The following KANK2 variants were observed in gnomAD, a reference collection of about 807,000 sequenced individuals.
KANK2 encodes KN motif and ankyrin repeat domain-containing protein 2.
Under a neutral mutation model 74.6 loss-of-function variants are expected in KANK2, and 41 were observed. The ratio of observed to expected loss-of-function variants is 0.55; its 90% CI spans 0.43 to 0.71. KANK2 has a LOEUF of 0.71. Among genes scored for constraint, KANK2 ranks in the 30% least tolerant of loss-of-function variants. The pLI is 0.00. For missense variants in KANK2, 1,148 were observed against 1,196.4 expected (o/e 0.96, Z 0.60); for synonymous variants, 537 against 519.0 (o/e 1.03, Z -0.47).
intron 10 of KANK2, among the ~76,000 whole-genome samples, chr19:11,171,829 C>T (rs2078182020): frequency 6.6e-6 from 1 of 151,482 alleles, no homozygotes. Flanking sequence ...TGCCACCATG[C>T]CCAGCTAATT....
intron 4 of KANK2, among the ~76,000 whole-genome samples, chr19:11,186,410 G>GA (rs996135537): frequency 6.8e-6 from 1 of 146,998 alleles, no homozygotes; most frequent in Non-Finnish European, 1.5e-5. Context: ...AAGAAAGAAA[G>GA]AAGAGGCCAG....
Position 11,192,955 on chromosome 19 carries a change from G to C in KANK2, c.1125C>G (p.Ser375Arg), listed in dbSNP as rs771051945. The change falls in exon 4 of 13, where the codon AGC becomes AGG. Residue 375 changes from serine (S) to arginine (R), a missense_variant. By Grantham distance (110) the Ser-to-Arg change is moderately radical (BLOSUM62 -1). Transcript: ENST00000586659. ...RALAMPGRPE[S>R]PPVFRSQEVV... ...CCTCCTGGCTGCGGAACACAGGTGG[G>C]CTCTCAGGCCTACCAGGCATTGCCA... 2.5e-5 allele frequency: 40 copies of C among 1,614,036 alleles called. No homozygotes were observed. Among genetic ancestry groups the C allele is most frequent in the Non-Finnish European group, 6.8e-6 (8 of 1,180,022 alleles).
At chr19:11,195,939 G>C (rs2079005806) in intron 1 of KANK2, 119 bp from the exon 2 acceptor site, 1 of 150,946 alleles carries the variant, frequency 6.6e-6, no homozygotes, top group Non-Finnish European at 1.5e-5. Context: ...AGATGGAGAA[G>C]CAGGGAGCAA....
chr19:11,194,442 C>A, intron 3 of KANK2, 33 bp downstream of exon 3: 3 of 1,592,780 alleles, frequency 1.9e-6, no homozygotes, highest in South Asian at 1.1e-5. Context: ...TGAAGCTCCC[C>A]GGGGCAGGGC....
rs561967934 is a variant in KANK2 at position 11,190,802 on chromosome 19, C to T, written c.1249+2029G>A. On this transcript the variant is annotated intron_variant, in intron 4 of 12. Coordinates refer to ENST00000586659, the MANE Select transcript of KANK2 (RefSeq NM_001136191.3). The stretch of plus-strand genomic sequence containing the variant: ...CTGGAGTGCAGTGGCACAATCTCAG[C>T]TCACTGCAACCTCCGGCTCCCAAGT... 3.3e-5 allele frequency among the ~76,000 whole-genome samples: 5 copies of T among 152,242 alleles called. No homozygotes were observed. The South Asian group carries it at 1.0e-3, about 32-fold the overall frequency.
At chr19:11,186,137 C>A (rs2078667846) in intron 4 of KANK2, among the ~76,000 whole-genome samples, 1 of 152,168 alleles carries the variant, frequency 6.6e-6, no homozygotes, top group Admixed American at 6.6e-5. Flanking sequence ...CCTGCAATCC[C>A]AGCACTTTGG....
At chr19:11,183,853 A>G (rs953063910) in intron 4 of KANK2, among the ~76,000 whole-genome samples, 1 of 151,858 alleles carries the variant, frequency 6.6e-6, no homozygotes, top group Non-Finnish European at 1.5e-5. Context: ...GGGTTTCACT[A>G]TGTTGGCAAG....
chr19:11,169,128 A>G (rs2078102139), intron 12 of KANK2, among the ~76,000 whole-genome samples: 1 of 152,088 alleles, frequency 6.6e-6, no homozygotes, highest in Admixed American at 6.5e-5. Context: ...ACTTGAGCTC[A>G]GGAGTTCAAG....
chr19:11,193,877 G>C lies in KANK2; in HGVS notation c.203C>G (p.Pro68Arg), dbSNP rs754027311. ...TLRRVAVQRRPRLSSLPRGPG... is the reference protein window; with the variant it reads ...TLRRVAVQRRRRLSSLPRGPG... ...GCCACGGGGCAGCGAGCTCAGGCGG[G>C]GGCGGCGCTGCACTGCCACGCGTCG... The change falls in exon 4 of 13, where the codon CCC becomes CGC. Residue 68 changes from proline (P) to arginine (R), a missense_variant. Pro to Arg is a moderately radical substitution (Grantham distance 103). Transcript: ENST00000586659. This position sits in a 1 kb window ranked among gnomAD's most constrained non-coding sequence, Gnocchi z 9.6. 2 of 1,613,456 alleles carry C rather than the reference G, an allele frequency of 1.2e-6. No homozygotes were observed.
In KANK2 at chr19:11,178,288, GATGA is replaced by G. The variant is rs1555817341; in HGVS notation, c.1520+53_1520+56del. The G allele has an allele frequency of 1.4e-5, 16 of 1,167,524 alleles. No individual in the cohort carries two copies. The East Asian group carries it at 2.2e-4, about 16-fold the overall frequency. The allele number at this position is 1,167,524 out of a possible 1,614,324, so 72.3% of individuals were successfully genotyped here. A position where few individuals can be genotyped will look rare whatever the true frequency, so the allele number is the denominator to read the frequency against. ...GGTAATTAGGAGGCTCTCGTGCGTG[GATGA>G]ATGGAGGAGGGGCGGGAAGTATGGG... is the stretch of plus-strand genomic sequence containing the variant. On this transcript the variant is annotated intron_variant, in intron 6 of 12. Transcript: ENST00000586659.
intron 4 of KANK2, among the ~76,000 whole-genome samples, chr19:11,180,846 G>T (rs973225932): frequency 2.0e-5 from 3 of 152,038 alleles, no homozygotes; most frequent in Non-Finnish European, 4.4e-5. Flanking sequence ...AGCACCTTGG[G>T]AGGCTGAGGT....
At chr19:11,196,664 G>A (rs1416655893) in intron 1 of KANK2, 2 of 152,294 alleles carry the variant, frequency 1.3e-5, no homozygotes, top group East Asian at 3.8e-4. Flanking sequence ...CCCGAGTAAG[G>A]GGAAGAGAAA....
chr19:11,164,324 C>A lies in KANK2; in HGVS notation c.*2234G>T, dbSNP rs1433533206. On this transcript the variant is annotated 3_prime_UTR_variant, in exon 13 of 13. Transcript: ENST00000586659. The stretch of plus-strand genomic sequence containing the variant: ...GTTTACCTTCTAAAAAAAACGATTA[C>A]AAAAAAGAATACTTCATTTAAGTGT... 6.6e-6 allele frequency: 1 copy of A among 151,930 alleles called. No homozygotes were observed. Among genetic ancestry groups the A allele is most frequent in the South Asian group, 2.1e-4 (1 of 4,814 alleles). The allele number at this position is 151,930 out of a possible 1,614,324, so 9.4% of individuals were successfully genotyped here. A position where few individuals can be genotyped will look rare whatever the true frequency, so the allele number is the denominator to read the frequency against.
chr19:11,194,180 A>C (rs1763404373), intron 3 of KANK2, 138 bp from the exon 4 acceptor site: 2 of 913,464 alleles, frequency 2.2e-6, no homozygotes, highest in Non-Finnish European at 3.2e-6. Context: ...GTCTGCTCTC[A>C]GACCCTCCAG....
Position 11,191,870 on chromosome 19 carries a change from C to A in KANK2, c.1249+961G>T, listed in dbSNP as rs572071336. On this transcript the variant is annotated intron_variant, in intron 4 of 12. Coordinates refer to ENST00000586659, the MANE Select transcript of KANK2 (RefSeq NM_001136191.3). The stretch of plus-strand genomic sequence containing the variant: ...CCCAGAAGTTTGAGACCAGCCTGGG[C>A]AACATAACAAGACTTTGTCTCTACA... Among the ~76,000 whole-genome samples, 6 of 152,218 alleles carry A rather than the reference C, an allele frequency of 3.9e-5. No homozygotes were observed. The South Asian group carries it at 1.0e-3, about 26-fold the overall frequency.
rs59030353 is a variant in KANK2 at position 11,180,579 on chromosome 19, C to T, written c.1250-1859G>A. Among the ~76,000 whole-genome samples, 511 of 152,272 alleles carry T rather than the reference C, an allele frequency of 3.4e-3. 7 individuals are homozygous for T. The highest frequency in any genetic ancestry group is 0.012 in the African/African-American group (493 of 41,542). ...TCCCCAGACCAGGGTGTGGCCAGCT[C>T]ATACCACAGAAAACATAAAAACCAT... On this transcript the variant is annotated intron_variant, in intron 4 of 12. Coordinates refer to ENST00000586659, the MANE Select transcript of KANK2 (RefSeq NM_001136191.3).
chr19:11,169,911 G>A lies in KANK2; in HGVS notation c.2468C>T (p.Ser823Phe). The A allele has an allele frequency of 6.2e-7, 1 of 1,614,188 alleles. No individual in the cohort carries two copies. The highest frequency in any genetic ancestry group is 8.5e-7 in the Non-Finnish European group (1 of 1,180,034). Residue 823 changes from serine to phenylalanine, a missense_variant, in exon 12 of 13, where the codon TCC becomes TTC. By Grantham distance (155) the Ser-to-Phe change is radical (BLOSUM62 -2). Transcript: ENST00000586659. ...ALDAGQSEIA[S>F]MLYSRMNIKC... ...GATGTTCATGCGGGAATACAGCATG[G>A]ACGCAATCTCACTCTGCCCTGCGTC...
intron 4 of KANK2, among the ~76,000 whole-genome samples, chr19:11,184,030 C>T (rs535230315): frequency 6.6e-6 from 1 of 152,106 alleles, no homozygotes; most frequent in Non-Finnish European, 1.5e-5. Context: ...TTTAAAAATT[C>T]TTCCAAGCAC....
rs10422194 is a variant in KANK2 at position 11,193,771 on chromosome 19, G to A, written c.309C>T (p.Cys103=). 4.5e-5 allele frequency: 73 copies of A among 1,612,664 alleles called. No homozygotes were observed. The highest frequency in any genetic ancestry group is 5.3e-5 in the African/African-American group (4 of 74,928). ...GDSRHSAYSY[C]GRGFYPQYGA... is the part of the protein sequence containing the mutation. ...CATACTGAGGGTAGAAGCCACGGCCGCAGTAGGAATAGGCTGAGTGGCGGC... is the reference window on the plus strand; with the variant it reads ...CATACTGAGGGTAGAAGCCACGGCCACAGTAGGAATAGGCTGAGTGGCGGC... The change falls in exon 4 of 13, where the codon TGC becomes TGT. Residue 103 remains cysteine (C), a synonymous_variant. Coordinates refer to ENST00000586659, the MANE Select transcript of KANK2 (RefSeq NM_001136191.3). The surrounding 1 kb of genome is among the most constrained non-coding windows in gnomAD (Gnocchi z 9.6).
Sources: allele counts gnomAD v4.1 joint callset (sites outside exome capture counted in the v4.1 genomes callset), GRCh38; gene constraint gnomAD v4.1.1; non-coding constraint Gnocchi (gnomAD v3.1); transcripts MANE v1.5; gene names NCBI Gene and HGNC (gene_info 2026-07-23, HGNC 2026-07-21).